Variants in CPNE4 observed in about 807,000 individuals in gnomAD.
The protein encoded by CPNE4 is copine-4.
In CPNE4, 25 loss-of-function variants were observed where a neutral mutation model predicts 67.9. The ratio of observed to expected loss-of-function variants is 0.37; its 90% CI spans 0.27 to 0.51. The LOEUF is 0.51. Ranked by LOEUF, CPNE4 falls within the 20% of genes least tolerant of loss-of-function variation. The pLI is 0.93. For missense variants in CPNE4, 464 were observed against 690.8 expected, an observed-to-expected ratio of 0.67 and a Z score of 3.68; for synonymous variants, 242 against 244.9, an observed-to-expected ratio of 0.99 and a Z score of 0.11.
chr3:131,964,591 A>AG (rs1444231147), intron 1 of CPNE4, among the ~76,000 whole-genome samples: 1 of 151,822 alleles, frequency 6.6e-6, no homozygotes, highest in Non-Finnish European at 1.5e-5. Context: ...GAGCATCAAT[A>AG]GCTGAATCAA....
chr3:131,829,943 A>AAAGTCAACCTTCAAAAATAC (rs2085305825), intron 2 of CPNE4, among the ~76,000 whole-genome samples: 3 of 152,188 alleles, frequency 2.0e-5, no homozygotes. Context: ...CACATACACA[A>AAAGTCAACCTTCAAAAATAC]ACACCTTCAA....
intron 1 of CPNE4, among the ~76,000 whole-genome samples, chr3:131,972,285 G>T (rs187115981): frequency 6.6e-6 from 1 of 152,188 alleles, no homozygotes; most frequent in Admixed American, 6.5e-5. Flanking sequence ...ACATACTTCT[G>T]TATGACTGAA....
At position 131,806,575 on chromosome 3, in the gene CPNE4, A is replaced by G. The variant is rs543591803; in HGVS notation, c.181-82950T>C. Reference sequence around the variant, plus strand: ...AAAAAAAAAAAAAAAAAAAAGAAATAGGAACAATTTTTATAGTTGTCAGCC... The same window carrying G: ...AAAAAAAAAAAAAAAAAAAAGAAATGGGAACAATTTTTATAGTTGTCAGCC... On this transcript the variant is annotated intron_variant, in intron 2 of 15. Coordinates refer to ENST00000429747, the MANE Select transcript of CPNE4 (RefSeq NM_130808.3). 2.4e-3 allele frequency among the ~76,000 whole-genome samples: 365 copies of G among 151,210 alleles called. 2 individuals are homozygous for G. The highest frequency in any genetic ancestry group is 8.1e-3 in the African/African-American group (334 of 41,266).
intron 1 of CPNE4, among the ~76,000 whole-genome samples, chr3:131,939,293 G>A (rs562437817): frequency 2.2e-4 from 34 of 152,030 alleles, no homozygotes; most frequent in Admixed American, 6.6e-4. Context: ...AAAAGAATAA[G>A]GACGACAGTT....
At chr3:131,804,950 G>A (rs2107923762) in intron 2 of CPNE4, among the ~76,000 whole-genome samples, 1 of 152,334 alleles carries the variant, frequency 6.6e-6, no homozygotes, top group Middle Eastern at 3.4e-3. Context: ...ATAATAGTGA[G>A]TTAAAGAAAT....
At chr3:131,580,989 T>C (rs1937792926) in intron 9 of CPNE4, among the ~76,000 whole-genome samples, 1 of 151,942 alleles carries the variant, frequency 6.6e-6, no homozygotes, top group Admixed American at 6.6e-5. Flanking sequence ...CTGGCTAACA[T>C]GGTGAAACCC....
intron 1 of CPNE4, among the ~76,000 whole-genome samples, chr3:131,921,333 A>C: frequency 6.6e-6 from 1 of 152,298 alleles, no homozygotes; most frequent in East Asian, 1.9e-4. Context: ...GATAACTGGA[A>C]AGAGATGTTC....
chr3:131,642,726 T>C (rs150991912), intron 7 of CPNE4, among the ~76,000 whole-genome samples: 1 of 152,302 alleles, frequency 6.6e-6, no homozygotes, highest in African/African-American at 2.4e-5. Context: ...TTTCCCCCTT[T>C]GCTTGGCACT....
chr3:131,942,204 G>A (rs1054311832), intron 1 of CPNE4, among the ~76,000 whole-genome samples: 24 of 152,000 alleles, frequency 1.6e-4, no homozygotes, highest in Non-Finnish European at 3.4e-4. Flanking sequence ...TTTACTGACT[G>A]TCTCTTGTTT....
intron 7 of CPNE4, among the ~76,000 whole-genome samples, chr3:131,651,242 T>G (rs1035927588): frequency 2.0e-5 from 3 of 152,226 alleles, no homozygotes; most frequent in Admixed American, 6.5e-5. Flanking sequence ...CCTCCTGAGA[T>G]ATTTTAAACA....
At chr3:132,002,797 A>T (rs968287070) in intron 1 of CPNE4, among the ~76,000 whole-genome samples, 4 of 152,164 alleles carry the variant, frequency 2.6e-5, no homozygotes, top group African/African-American at 9.6e-5. Context: ...CCTTTGTAAT[A>T]AGTAAAAATT....
At chr3:131,775,891 G>A (rs1312109203) in intron 2 of CPNE4, among the ~76,000 whole-genome samples, 3 of 152,244 alleles carry the variant, frequency 2.0e-5, no homozygotes, top group Middle Eastern at 3.4e-3. Flanking sequence ...AGCCTTAGAG[G>A]GCAAAGCACA....
At chr3:131,932,685 T>A (rs971714133) in intron 1 of CPNE4, among the ~76,000 whole-genome samples, 3 of 151,652 alleles carry the variant, frequency 2.0e-5, no homozygotes, top group Admixed American at 6.6e-5. Flanking sequence ...GAGCACGCAC[T>A]GGGAGGCCAA....
intron 1 of CPNE4, among the ~76,000 whole-genome samples, chr3:131,912,583 T>C (rs2089020296): frequency 6.6e-6 from 1 of 152,138 alleles, no homozygotes; most frequent in Admixed American, 6.5e-5. Flanking sequence ...ATCCACTCGC[T>C]CAACCAGAGA....
chr3:131,992,877 A>C (rs1010280684), intron 1 of CPNE4, among the ~76,000 whole-genome samples: 2 of 135,206 alleles, frequency 1.5e-5, no homozygotes, highest in Non-Finnish European at 3.4e-5. Context: ...CTTGCTCAAC[A>C]CTTCTGCTAC....
At chr3:131,844,411 C>T (rs1338649260) in intron 2 of CPNE4, among the ~76,000 whole-genome samples, 7 of 151,976 alleles carry the variant, frequency 4.6e-5, no homozygotes, top group African/African-American at 1.2e-4. Context: ...GGACTACAGG[C>T]GCCTGCCACC....
intron 12 of CPNE4, among the ~76,000 whole-genome samples, chr3:131,553,917 T>C (rs1936320906): frequency 6.6e-6 from 1 of 152,046 alleles, no homozygotes; most frequent in African/African-American, 2.4e-5. Flanking sequence ...GAGATGCCTA[T>C]TGAAACAAGA....
chr3:131,935,111 C>T (rs2071183979), intron 1 of CPNE4, among the ~76,000 whole-genome samples: 1 of 152,092 alleles, frequency 6.6e-6, no homozygotes, highest in Non-Finnish European at 1.5e-5. Context: ...TTTGTTGGTG[C>T]TTATGAATTG....
intron 7 of CPNE4, among the ~76,000 whole-genome samples, chr3:131,593,302 C>A (rs945774180): frequency 2.0e-5 from 3 of 152,094 alleles, no homozygotes; most frequent in African/African-American, 7.2e-5. Flanking sequence ...CATGAAAGGT[C>A]TTTCCATTTA....
Sources: allele counts gnomAD v4.1 joint callset (sites outside exome capture counted in the v4.1 genomes callset), GRCh38; gene constraint gnomAD v4.1.1; transcripts MANE v1.5; gene names NCBI Gene and HGNC (gene_info 2026-07-23, HGNC 2026-07-21).